The following COL4A6 variants were observed in gnomAD, a reference collection of about 807,000 sequenced individuals.
COL4A6 encodes the protein collagen alpha-6(IV) chain.
Under a neutral mutation model 126.7 loss-of-function variants are expected in COL4A6, and 59 were observed. The observed-to-expected ratio is 0.47, with a 90% CI of 0.38 to 0.58. The LOEUF (loss-of-function observed/expected upper bound fraction) is 0.58. Ranked by LOEUF, COL4A6 falls within the 20% of genes least tolerant of loss-of-function variation. COL4A6 has a pLI of 0.00. For missense variants in COL4A6, 1,285 were observed against 1,337.3 expected (o/e 0.96, Z 0.61); for synonymous variants, 547 against 496.6 (o/e 1.10, Z -1.35).
At chrX:108,280,183 CA>C (rs1336181101) in intron 3 of COL4A6, among the ~76,000 whole-genome samples, 3 of 111,160 alleles carry the variant, frequency 2.7e-5, no homozygotes, top group East Asian at 5.7e-4. Context: ...AAAAACCCTT[CA>C]AAAAATTAAC....
chrX:108,247,789 A>G (rs902296529), intron 3 of COL4A6, among the ~76,000 whole-genome samples: 1 of 111,536 alleles, frequency 9.0e-6, no homozygotes, highest in Non-Finnish European at 1.9e-5. Context: ...TTCATTTTGC[A>G]CACTACCAGA....
intron 3 of COL4A6, among the ~76,000 whole-genome samples, chrX:108,271,524 T>G (rs1249901870): frequency 8.9e-6 from 1 of 111,812 alleles, no homozygotes; most frequent in Non-Finnish European, 1.9e-5. Flanking sequence ...TTCAGTCAGA[T>G]GAAGAGTAAA....
intron 3 of COL4A6, among the ~76,000 whole-genome samples, chrX:108,272,768 C>T (rs1169561801): frequency 9.1e-6 from 1 of 109,683 alleles, no homozygotes; most frequent in African/African-American, 3.3e-5. Flanking sequence ...CTACTTCTAT[C>T]TGCCAATGGT....
chrX:108,234,884 A>G (rs1569371153), intron 3 of COL4A6, among the ~76,000 whole-genome samples: 1 of 111,551 alleles, frequency 9.0e-6, no homozygotes, highest in Non-Finnish European at 1.9e-5. Context: ...CAAATGTAGG[A>G]AGTGAGGTCA....
chrX:108,340,348 A>G (rs1279283545), intron 2 of COL4A6, among the ~76,000 whole-genome samples: 1 of 111,588 alleles, frequency 9.0e-6, no homozygotes, highest in African/African-American at 3.2e-5. Context: ...TTTAATTTAA[A>G]TGGTCACATG....
At chrX:108,317,351 T>C (rs1486117941) in intron 2 of COL4A6, among the ~76,000 whole-genome samples, 2 of 111,778 alleles carry the variant, frequency 1.8e-5, no homozygotes, top group Non-Finnish European at 3.8e-5. Context: ...GGTTTTGAGA[T>C]GTGTATAAGA....
chrX:108,296,035 A>G (rs1327982756), intron 3 of COL4A6, among the ~76,000 whole-genome samples: 1 of 112,206 alleles, frequency 8.9e-6, no homozygotes, highest in Non-Finnish European at 1.9e-5. Context: ...TGAGTGTTCA[A>G]AAGTTTTCTA....
intron 44 of COL4A6, among the ~76,000 whole-genome samples, chrX:108,159,223 T>C (rs964193444): frequency 2.7e-5 from 3 of 112,163 alleles, no homozygotes; most frequent in Non-Finnish European, 5.6e-5. Flanking sequence ...GGCATTGACC[T>C]ATGACTCACA....
upstream of COL4A6, chrX:108,438,462 G>A: frequency 3.0e-6 from 3 of 995,917 alleles, no homozygotes; most frequent in Non-Finnish European, 3.8e-6. Context: ...GAGGGGAAAG[G>A]GGCGGGGCTG....
At chrX:108,316,217 G>A (rs772866090) in intron 2 of COL4A6, among the ~76,000 whole-genome samples, 1 of 112,182 alleles carries the variant, frequency 8.9e-6, no homozygotes, top group African/African-American at 3.2e-5. Context: ...GACTGGCTGT[G>A]TATAATTTTA....
intron 2 of COL4A6, among the ~76,000 whole-genome samples, chrX:108,340,333 A>G: frequency 9.0e-6 from 1 of 111,669 alleles, no homozygotes; most frequent in Non-Finnish European, 1.9e-5. Context: ...TTAATTAATT[A>G]AAGTTTTAAT....
intron 2 of COL4A6, among the ~76,000 whole-genome samples, chrX:108,347,122 C>CCCTG (rs2039727217): frequency 8.9e-6 from 1 of 112,392 alleles, no homozygotes; most frequent in Non-Finnish European, 1.9e-5. Context: ...GAAGCCCATC[C>CCCTG]TGGCAGCACA....
intron 36 of COL4A6, 41 bp from the exon 37 acceptor site, chrX:108,169,661 G>A: frequency 6.0e-6 from 7 of 1,175,314 alleles, no homozygotes; most frequent in Non-Finnish European, 8.0e-6. Context: ...CCTCAGTGGA[G>A]GTGAGGCCTT....
chrX:108,225,358 A>T (rs1488090921), intron 3 of COL4A6, among the ~76,000 whole-genome samples: 1 of 112,831 alleles, frequency 8.9e-6, no homozygotes, highest in Non-Finnish European at 1.9e-5. Context: ...CAGAATTTCA[A>T]TGGGCTTGGA....
chrX:108,174,373 T>G lies in COL4A6; in HGVS notation c.3138+67A>C, dbSNP rs917291237. 7 of 1,079,307 alleles carry G rather than the reference T, an allele frequency of 6.5e-6. No homozygotes were observed. The Admixed American group carries it at 1.4e-4, about 21-fold the overall frequency. 88.9% of individuals were successfully genotyped at this position (1,079,307 alleles called of 1,213,427 possible). ...AAGCTGGGATCAGAGAGGTGGGCAG[T>G]GGGGGTATATCCCCGTGAGATGGGG... On this transcript the variant is annotated intron_variant, in intron 31 of 44. Transcript: ENST00000334504.
chrX:108,292,993 C>CAAAAAAAAAAAAAAAAAAAAAAAAAAA (rs149076547), intron 3 of COL4A6, among the ~76,000 whole-genome samples: 2 of 14,555 alleles, frequency 1.4e-4, no homozygotes, highest in African/African-American at 2.2e-4. Context: ...AGGAAAAAAG[C>CAAAAAAAAAAAAAAAAAAAAAAAAAAA]AAAAAAAAAA....
chrX:108,420,251 G>T (rs916611080), intron 2 of COL4A6, among the ~76,000 whole-genome samples: 1 of 111,660 alleles, frequency 9.0e-6, no homozygotes, highest in South Asian at 3.8e-4. Context: ...TATTTAATTG[G>T]TGATGCAGTG....
intron 2 of COL4A6, among the ~76,000 whole-genome samples, chrX:108,357,556 A>C (rs1285300391): frequency 1.8e-5 from 2 of 111,395 alleles, no homozygotes; most frequent in Non-Finnish European, 3.8e-5. Flanking sequence ...GTGATTTCTC[A>C]TTACCTTGTA....
rs773525932 is a variant in COL4A6, at chrX:108,273,151, C to T, written c.144+37597G>A. On this transcript the variant is annotated intron_variant, in intron 3 of 44. Coordinates refer to ENST00000334504, the MANE Select transcript of COL4A6 (RefSeq NM_033641.4). ...ATCCTGTGTCCAAGTGTTCTCAACCCCATCTAAAAGTGGGCGAAGGATATG... is the reference window on the plus strand; with the variant it reads ...ATCCTGTGTCCAAGTGTTCTCAACCTCATCTAAAAGTGGGCGAAGGATATG... Among the ~76,000 whole-genome samples, 4 of 110,394 alleles carry T rather than the reference C, an allele frequency of 3.6e-5. No individual in the cohort carries two copies. The South Asian group carries it at 1.6e-3, about 43-fold the overall frequency.
Sources: allele counts gnomAD v4.1 joint callset (sites outside exome capture counted in the v4.1 genomes callset), GRCh38; gene constraint gnomAD v4.1.1; transcripts MANE v1.5; gene names NCBI Gene and HGNC (gene_info 2026-07-23, HGNC 2026-07-21).